Variants in WNT6 observed in about 807,000 individuals in gnomAD.
The protein encoded by WNT6 is protein Wnt-6.
A neutral mutation model predicts 33.1 loss-of-function variants in WNT6; 27 were observed. The ratio of observed to expected loss-of-function variants is 0.82; its 90% CI spans 0.60 to 1.12. WNT6 has a LOEUF of 1.12. WNT6 is among the 50% of genes most tolerant of loss of function. The pLI is 0.00. For missense variants in WNT6, 494 were observed against 535.3 expected (o/e 0.92, Z 0.76); for synonymous variants, 249 against 242.8 (o/e 1.03, Z -0.24).
Position 218,871,938 on chromosome 2 carries a change from G to A in WNT6, c.636+119G>A. On this transcript the variant is annotated intron_variant, in intron 3 of 3. Coordinates refer to ENST00000233948, the MANE Select transcript of WNT6 (RefSeq NM_006522.4). The surrounding 1 kb of genome is among the most constrained non-coding windows in gnomAD (Gnocchi z 6.4). ...TAGGTGGAGGGGGGCGTTAATGTGT[G>A]GGGGAGTGCGCACGGGCGGAAAGAT... The A allele has an allele frequency of 2.8e-6, 1 of 357,158 alleles. No individual in the cohort carries two copies. 22.1% of individuals were successfully genotyped at this position (357,158 alleles called of 1,614,324 possible).
intron 1 of WNT6, among the ~76,000 whole-genome samples, chr2:218,865,654 G>A (rs2106003174): frequency 6.6e-6 from 1 of 152,262 alleles, no homozygotes; most frequent in South Asian, 2.1e-4. Context: ...TGGGGGATCA[G>A]GAAAGGGGCA....
At chr2:218,860,162 G>T in intron 1 of WNT6, 45 bp downstream of exon 1, 1 of 1,475,278 alleles carries the variant, frequency 6.8e-7, no homozygotes, top group Non-Finnish European at 9.0e-7. Flanking sequence ...TGGAGGGTGG[G>T]GACCCCGGGA....
intron 1 of WNT6, among the ~76,000 whole-genome samples, chr2:218,868,971 G>A (rs1944376390): frequency 6.6e-6 from 1 of 152,200 alleles, no homozygotes. Context: ...TATGGGCAGA[G>A]GAGGGACAGA....
intron 1 of WNT6, among the ~76,000 whole-genome samples, chr2:218,866,892 A>C (rs567900195): frequency 2.6e-5 from 4 of 152,258 alleles, no homozygotes; most frequent in Admixed American, 6.5e-5. Context: ...AAACATGAAA[A>C]ATTAATTATA....
At position 218,873,637 on chromosome 2, in the gene WNT6, A is replaced by C. The variant is rs778620463; in HGVS notation, c.890A>C (p.Asn297Thr). Residue 297 changes from asparagine to threonine, a missense_variant, in exon 4 of 4, where the codon AAC becomes ACC. Transcript: ENST00000233948. This position sits in a 1 kb window ranked among gnomAD's most constrained non-coding sequence, Gnocchi z 6.1. The stretch of plus-strand genomic sequence containing the variant: ...GATTCGCCCGACTTCTGCGCCCCCA[A>C]CCGACGCACCGGCTCCCCCGGCACG... Reference protein sequence around the residue: ...AADSPDFCAPNRRTGSPGTRG... With the variant: ...AADSPDFCAPTRRTGSPGTRG... 6.3e-7 allele frequency: 1 copy of C among 1,580,198 alleles called. No homozygotes were observed. The highest frequency in any genetic ancestry group is 8.5e-7 in the Non-Finnish European group (1 of 1,170,628).
rs76923452 is a variant in WNT6, at chr2:218,873,344, C to A, written c.637-40C>A. The A allele has an allele frequency of 2.8e-5, 43 of 1,518,396 alleles. 1 individual carries two copies. Among genetic ancestry groups the A allele is most frequent in the Middle Eastern group, 2.0e-4 (1 of 5,108 alleles). 94.1% of individuals were successfully genotyped at this position (1,518,396 alleles called of 1,614,324 possible). On this transcript the variant is annotated intron_variant, in intron 3 of 3. Coordinates refer to ENST00000233948, the MANE Select transcript of WNT6 (RefSeq NM_006522.4). The surrounding 1 kb of genome is among the most constrained non-coding windows in gnomAD (Gnocchi z 6.1). Reference sequence around the variant, plus strand: ...ATCCGCTGGGCCCTTCCCTGCACCCCCTACCTGTCCACATGCGTCCGCCCC... The same window carrying A: ...ATCCGCTGGGCCCTTCCCTGCACCCACTACCTGTCCACATGCGTCCGCCCC...
chr2:218,871,854 A>G lies in WNT6; in HGVS notation c.636+35A>G, dbSNP rs766842282. On this transcript the variant is annotated intron_variant, in intron 3 of 3. Coordinates refer to ENST00000233948, the MANE Select transcript of WNT6 (RefSeq NM_006522.4). This position sits in a 1 kb window ranked among gnomAD's most constrained non-coding sequence, Gnocchi z 6.4. ...GGCAGGATGGAGTGAGTGTGTGCGGAAATGTGAGTGTGCGCGCAGGAGTGT... is the reference window on the plus strand; with the variant it reads ...GGCAGGATGGAGTGAGTGTGTGCGGGAATGTGAGTGTGCGCGCAGGAGTGT... 2 of 1,524,648 alleles carry G rather than the reference A, an allele frequency of 1.3e-6. No individual in the cohort carries two copies. The highest frequency in any genetic ancestry group is 1.8e-6 in the Non-Finnish European group (2 of 1,134,122). 94.4% of individuals were successfully genotyped at this position (1,524,648 alleles called of 1,614,324 possible). A position where few individuals can be genotyped will look rare whatever the true frequency, so the allele number is the denominator to read the frequency against.
At position 218,869,995 on chromosome 2, in the gene WNT6, A is replaced by G. The variant is rs192331610; in HGVS notation, c.81-1032A>G. Among the ~76,000 whole-genome samples the G allele has an allele frequency of 2.0e-3, 304 of 152,320 alleles. 4 individuals carry two copies. Among genetic ancestry groups the G allele is most frequent in the Admixed American group, 0.016 (250 of 15,306 alleles). ...AGCACTTTGGGAAGCCGAGGCAGGC[A>G]GATCACCTGAAGTCAGGAGTTTGAG... On this transcript the variant is annotated intron_variant, in intron 1 of 3. Transcript: ENST00000233948.
chr2:218,871,804 C>A lies in WNT6; in HGVS notation c.621C>A (p.Asn207Lys). 5 of 1,590,314 alleles carry A rather than the reference C, an allele frequency of 3.1e-6. No individual in the cohort carries two copies. The highest frequency in any genetic ancestry group is 4.3e-6 in the Non-Finnish European group (5 of 1,169,946). Residue 207 changes from asparagine to lysine, a missense_variant, in exon 3 of 4, where the codon AAC (asparagine) becomes AAA (lysine). Asn to Lys is a moderately conservative substitution (Grantham distance 94). Coordinates refer to ENST00000233948, the MANE Select transcript of WNT6 (RefSeq NM_006522.4). The surrounding 1 kb of genome is among the most constrained non-coding windows in gnomAD (Gnocchi z 6.4). ...DIRALVQLHN[N>K]EAGRLAVRSH... is the part of the protein sequence containing the mutation. ...GCGCGTTGGTGCAACTGCACAACAA[C>A]GAGGCGGGCAGGCTGGTGCGTACGG...
chr2:218,871,807 G>A lies in WNT6; in HGVS notation c.624G>A (p.Glu208=). 1 of 1,590,468 alleles carries A rather than the reference G, an allele frequency of 6.3e-7. No individual in the cohort carries two copies. The highest frequency in any genetic ancestry group is 8.5e-7 in the Non-Finnish European group (1 of 1,170,112). ...IRALVQLHNN[E]AGRLAVRSHT... The stretch of plus-strand genomic sequence containing the variant: ...CGTTGGTGCAACTGCACAACAACGA[G>A]GCGGGCAGGCTGGTGCGTACGGGCA... The change falls in exon 3 of 4, where the codon GAG becomes GAA. Residue 208 remains glutamate, a synonymous_variant. Transcript: ENST00000233948. This position sits in a 1 kb window ranked among gnomAD's most constrained non-coding sequence, Gnocchi z 6.4.
At chr2:218,868,170 G>C (rs1229270247) in intron 1 of WNT6, among the ~76,000 whole-genome samples, 1 of 152,080 alleles carries the variant, frequency 6.6e-6, no homozygotes. Flanking sequence ...AGCCAGCCTG[G>C]GGAGCCAGAC....
intron 3 of WNT6, among the ~76,000 whole-genome samples, chr2:218,872,286 G>A (rs1293815239): frequency 6.6e-6 from 1 of 152,222 alleles, no homozygotes; most frequent in Non-Finnish European, 1.5e-5. Context: ...AAGCCAGGGG[G>A]AGTGAGAGAG....
At position 218,860,045 on chromosome 2, in the gene WNT6, C is replaced by T; in HGVS notation, c.8C>T (p.Pro3Leu). 6.6e-6 allele frequency: 10 copies of T among 1,508,630 alleles called. No individual in the cohort carries two copies. Among genetic ancestry groups the T allele is most frequent in the South Asian group, 1.2e-5 (1 of 81,052 alleles). The allele number at this position is 1,508,630 out of a possible 1,614,324, so 93.5% of individuals were successfully genotyped here. ...GGCCGTAGGGCGGTCACGATGCTGC[C>T]GCCCTTACCCTCCCGCCTCGGGCTG... is the stretch of plus-strand genomic sequence containing the variant. ML[P>L]PLPSRLGLLL... The change falls in exon 1 of 4, where the codon CCG (proline) becomes CTG (leucine). Residue 3 changes from proline to leucine, a missense_variant. By Grantham distance (98) the Pro-to-Leu change is moderately conservative. Coordinates refer to ENST00000233948, the MANE Select transcript of WNT6 (RefSeq NM_006522.4).
Position 218,873,323 on chromosome 2 carries a change from G to T in WNT6, c.637-61G>T, listed in dbSNP as rs981522212. 1.4e-6 allele frequency: 2 copies of T among 1,449,224 alleles called. No individual in the cohort carries two copies. The highest frequency in any genetic ancestry group is 9.2e-7 in the Non-Finnish European group (1 of 1,084,334). The allele number at this position is 1,449,224 out of a possible 1,614,324, so 89.8% of individuals were successfully genotyped here. On this transcript the variant is annotated intron_variant, in intron 3 of 3. Coordinates refer to ENST00000233948, the MANE Select transcript of WNT6 (RefSeq NM_006522.4). The surrounding 1 kb of genome is among the most constrained non-coding windows in gnomAD (Gnocchi z 6.1). ...TCCCAATCTTATTTTCTGTCCATCC[G>T]CTGGGCCCTTCCCTGCACCCCCTAC...
chr2:218,871,545 C>T lies in WNT6; in HGVS notation c.362C>T (p.Thr121Met). ...ITAAGASHAV[T>M]QACSMGELLQ... is the part of the protein sequence containing the mutation. ...GCGGCCGGCGCCAGCCACGCCGTCA[C>T]GCAGGCCTGTTCTATGGGCGAGCTG... The change falls in exon 3 of 4, where the codon ACG becomes ATG. Residue 121 changes from threonine to methionine, a missense_variant. Physicochemically the swap from Thr to Met is moderately conservative, Grantham distance 81. Transcript: ENST00000233948. The surrounding 1 kb of genome is among the most constrained non-coding windows in gnomAD (Gnocchi z 6.4). 6.3e-7 allele frequency: 1 copy of T among 1,598,902 alleles called. No homozygotes were observed. The highest frequency in any genetic ancestry group is 8.5e-7 in the Non-Finnish European group (1 of 1,179,364).
At chr2:218,863,379 C>T (rs1944327364) in intron 1 of WNT6, among the ~76,000 whole-genome samples, 1 of 152,188 alleles carries the variant, frequency 6.6e-6, no homozygotes, top group South Asian at 2.1e-4. Context: ...TAGCAGCAGC[C>T]AGGCTAGAAG....
rs540745858 is a variant in WNT6, at chr2:218,867,626, G to A, written c.81-3401G>A. Among the ~76,000 whole-genome samples the A allele has an allele frequency of 3.3e-5, 5 of 152,264 alleles. No individual in the cohort carries two copies. Among genetic ancestry groups the A allele is most frequent in the African/African-American group, 1.2e-4 (5 of 41,530 alleles). ...ATGCCCAGGAATGGCTGTTTGATGAGGATCCCAGATCCTATATATTGTGTA... is the reference window on the plus strand; with the variant it reads ...ATGCCCAGGAATGGCTGTTTGATGAAGATCCCAGATCCTATATATTGTGTA... On this transcript the variant is annotated intron_variant, in intron 1 of 3. Coordinates refer to ENST00000233948, the MANE Select transcript of WNT6 (RefSeq NM_006522.4). The surrounding 1 kb of genome is among the most constrained non-coding windows in gnomAD (Gnocchi z 4.9).
intron 1 of WNT6, among the ~76,000 whole-genome samples, chr2:218,862,153 G>C (rs1944314996): frequency 6.6e-6 from 1 of 152,106 alleles, no homozygotes; most frequent in African/African-American, 2.4e-5. Context: ...ACACGGGCAG[G>C]TGTGGGAGAA....
In WNT6 at chr2:218,859,918, C is replaced by G. The variant is rs1296115427; in HGVS notation, c.-120C>G. The G allele has an allele frequency of 1.2e-6, 1 of 805,062 alleles. No individual in the cohort carries two copies. Among genetic ancestry groups the G allele is most frequent in the African/African-American group, 1.8e-5 (1 of 54,256 alleles). The allele number at this position is 805,062 out of a possible 1,614,324, so 49.9% of individuals were successfully genotyped here. On this transcript the variant is annotated 5_prime_UTR_variant, in exon 1 of 4. Transcript: ENST00000233948. The stretch of plus-strand genomic sequence containing the variant: ...GCCCCCCCGCCGCCGCCGGATCCCT[C>G]GCCTCCCGGCCGCCGCCGTTGCGCT...
Sources: allele counts gnomAD v4.1 joint callset (sites outside exome capture counted in the v4.1 genomes callset), GRCh38; gene constraint gnomAD v4.1.1; non-coding constraint Gnocchi (gnomAD v3.1); transcripts MANE v1.5; gene names NCBI Gene and HGNC (gene_info 2026-07-23, HGNC 2026-07-21).